The following COG5 variants were observed in gnomAD, a reference collection of about 807,000 sequenced individuals.
COG5 encodes conserved oligomeric Golgi complex subunit 5.
Under a neutral mutation model 110.4 loss-of-function variants are expected in COG5, and 86 were observed. The ratio of observed to expected loss-of-function variants is 0.78; its 90% CI spans 0.65 to 0.93. COG5 has a LOEUF of 0.93. COG5 is among the 40% of genes least tolerant of loss of function. COG5 has a pLI of 0.00. For synonymous variants in COG5, 360 were observed against 334.6 expected (o/e 1.08, Z -0.83); for missense variants, 1,077 against 987.0 (o/e 1.09, Z -1.22).
intron 6 of COG5, among the ~76,000 whole-genome samples, chr7:107,484,853 T>TAAAACAGTGGATTTG (rs368264584): frequency 0.015 from 2,244 of 152,310 alleles, 56 homozygotes; most frequent in African/African-American, 0.052. Context: ...TCTTGAATGT[T>TAAAACAGTGGATTTG]AAAACAGTGG....
In COG5 at chr7:107,203,269, A is replaced by G. The variant is rs886061872; in HGVS notation, c.*247T>C. 1.2e-5 allele frequency: 6 copies of G among 518,986 alleles called. No individual in the cohort carries two copies. The highest frequency in any genetic ancestry group is 1.9e-5 in the African/African-American group (1 of 52,078). The allele number at this position is 518,986 out of a possible 1,614,324, so 32.1% of individuals were successfully genotyped here. ...TGGGAAAGACATTTTAGCCTTGTACAAAAATCTGAAAGAGGAAAACATCTT... is the reference window on the plus strand; with the variant it reads ...TGGGAAAGACATTTTAGCCTTGTACGAAAATCTGAAAGAGGAAAACATCTT... On this transcript the variant is annotated 3_prime_UTR_variant, in exon 22 of 22. Coordinates refer to ENST00000297135, the MANE Select transcript of COG5 (RefSeq NM_006348.5).
At chr7:107,366,533 A>G (rs1028176531) in intron 8 of COG5, among the ~76,000 whole-genome samples, 3 of 152,162 alleles carry the variant, frequency 2.0e-5, no homozygotes, top group Non-Finnish European at 4.4e-5. Context: ...ACTGACACAC[A>G]GCGTTCAACT....
chr7:107,247,037 C>A (rs1802110591), intron 17 of COG5, among the ~76,000 whole-genome samples: 1 of 152,134 alleles, frequency 6.6e-6, no homozygotes, highest in East Asian at 1.9e-4. Context: ...TACTATGCAG[C>A]CATAAAAATA....
At chr7:107,342,696 A>C (rs1215041069) in intron 10 of COG5, among the ~76,000 whole-genome samples, 2 of 149,524 alleles carry the variant, frequency 1.3e-5, no homozygotes, top group East Asian at 1.9e-4. Context: ...AAAACCAAAC[A>C]AAAAAAAACC....
At chr7:107,412,859 G>C (rs929802945) in intron 6 of COG5, among the ~76,000 whole-genome samples, 2 of 152,056 alleles carry the variant, frequency 1.3e-5, no homozygotes, top group Admixed American at 6.5e-5. Context: ...GGTAAGGCAA[G>C]AATAGAAATG....
intron 10 of COG5, among the ~76,000 whole-genome samples, chr7:107,353,138 T>C (rs1463449298): frequency 6.6e-6 from 1 of 152,036 alleles, no homozygotes; most frequent in Non-Finnish European, 1.5e-5. Context: ...GAAAACAGAA[T>C]ATAGTGGCTG....
At chr7:107,546,970 C>T (rs901762559) in intron 5 of COG5, among the ~76,000 whole-genome samples, 1 of 152,122 alleles carries the variant, frequency 6.6e-6, no homozygotes, top group Non-Finnish European at 1.5e-5. Flanking sequence ...TAATACCAAT[C>T]CTTCTAAAAC....
At chr7:107,266,476 A>C (rs1254114348) in intron 14 of COG5, among the ~76,000 whole-genome samples, 1 of 152,184 alleles carries the variant, frequency 6.6e-6, no homozygotes, top group African/African-American at 2.4e-5. Flanking sequence ...ATCCAAGCTT[A>C]GCAGGGTATA....
intron 10 of COG5, among the ~76,000 whole-genome samples, chr7:107,335,249 G>T (rs1014471336): frequency 2.0e-5 from 3 of 152,086 alleles, no homozygotes; most frequent in Admixed American, 6.6e-5. Context: ...AAATAGCTGG[G>T]TGCAGTGGTG....
chr7:107,407,198 A>G (rs1299244980), intron 7 of COG5, among the ~76,000 whole-genome samples: 5 of 152,118 alleles, frequency 3.3e-5, no homozygotes, highest in Admixed American at 1.3e-4. Context: ...TCTGGCCAAC[A>G]TGGCGAAACC....
chr7:107,249,650 C>A (rs1277498418), intron 16 of COG5, among the ~76,000 whole-genome samples: 2 of 150,852 alleles, frequency 1.3e-5, no homozygotes, highest in Admixed American at 1.3e-4. Flanking sequence ...TAATCTATAA[C>A]CCTTAATCTC....
At chr7:107,375,205 G>GATTC (rs1425069945) in intron 7 of COG5, among the ~76,000 whole-genome samples, 2 of 152,082 alleles carry the variant, frequency 1.3e-5, no homozygotes, top group East Asian at 3.9e-4. Flanking sequence ...AGCAGTAGTT[G>GATTC]ATTCATTTCT....
chr7:107,440,228 T>C (rs913832898), intron 6 of COG5, among the ~76,000 whole-genome samples: 7 of 152,292 alleles, frequency 4.6e-5, no homozygotes, highest in African/African-American at 1.7e-4. Context: ...CTTAGAGTAA[T>C]ATCTAGGACA....
chr7:107,309,750 T>C (rs1808050228), intron 11 of COG5, among the ~76,000 whole-genome samples: 1 of 152,228 alleles, frequency 6.6e-6, no homozygotes, highest in Non-Finnish European at 1.5e-5. Context: ...TTTGTAATTT[T>C]AGGAATTTTT....
At chr7:107,459,351 T>C (rs888691952) in intron 6 of COG5, among the ~76,000 whole-genome samples, 1 of 151,856 alleles carries the variant, frequency 6.6e-6, no homozygotes, top group African/African-American at 2.4e-5. Context: ...ATGTATTTCA[T>C]AGCAATCCTA....
Position 107,203,124 on chromosome 7 carries a change from C to CTTAT in COG5, c.*388_*391dup. The stretch of plus-strand genomic sequence containing the variant: ...AATTTGGAAACCACTGAGCTACATG[C>CTTAT]TTATTTAGTGAAGAAGGCAGGGTTG... On this transcript the variant is annotated 3_prime_UTR_variant, in exon 22 of 22. Coordinates refer to ENST00000297135, the MANE Select transcript of COG5 (RefSeq NM_006348.5). 4.2e-6 allele frequency: 1 copy of CTTAT among 237,962 alleles called. No homozygotes were observed. The highest frequency in any genetic ancestry group is 5.1e-5 in the Admixed American group (1 of 19,562). The allele number at this position is 237,962 out of a possible 1,614,324, so 14.7% of individuals were successfully genotyped here.
Position 107,258,420 on chromosome 7 carries a change from G to C in COG5, c.1576-37C>G, listed in dbSNP as rs778220688. ...CAATTTCAAAAGAATGTGTCAGAAT[G>C]ATAATTCTCTCTCTCTCTCTCTCTC... On this transcript the variant is annotated intron_variant, in intron 14 of 21. Coordinates refer to ENST00000297135, the MANE Select transcript of COG5 (RefSeq NM_006348.5). The C allele has an allele frequency of 3.0e-5, 34 of 1,139,606 alleles. No homozygotes were observed. In the East Asian group the frequency reaches 7.7e-4, roughly 26 times the overall value. The allele number at this position is 1,139,606 out of a possible 1,614,324, so 70.6% of individuals were successfully genotyped here.
chr7:107,399,224 AAT>A (rs1791247016), intron 7 of COG5, among the ~76,000 whole-genome samples: 1 of 152,146 alleles, frequency 6.6e-6, no homozygotes, highest in South Asian at 2.1e-4. Flanking sequence ...AAAATAAATA[AAT>A]AAGTTTACTA....
rs536725604 is a variant in COG5, at chr7:107,411,623, C to T, written c.669+879G>A. Among the ~76,000 whole-genome samples, 15 of 152,124 alleles carry T rather than the reference C, an allele frequency of 9.9e-5. No homozygotes were observed. In the South Asian group the frequency reaches 3.1e-3, roughly 32 times the overall value. On this transcript the variant is annotated intron_variant, in intron 7 of 21. Coordinates refer to ENST00000297135, the MANE Select transcript of COG5 (RefSeq NM_006348.5). ...GAAAGTTTATGATTTGTCCACTTTT[C>T]ATTTTGTATATGATATTCAATTTTA...
Sources: allele counts gnomAD v4.1 joint callset (sites outside exome capture counted in the v4.1 genomes callset), GRCh38; gene constraint gnomAD v4.1.1; transcripts MANE v1.5; gene names NCBI Gene and HGNC (gene_info 2026-07-23, HGNC 2026-07-21).